SLC23A2: variants seen among roughly 807,000 people sequenced by gnomAD.
SLC23A2 encodes the protein Na(+)/L-ascorbic acid transporter 2.
SLC23A2 carries 36 observed loss-of-function variants against 73.3 expected under a neutral mutation model. The ratio of observed to expected loss-of-function variants is 0.49; its 90% CI spans 0.38 to 0.65. SLC23A2 has a LOEUF of 0.65. Ranked by LOEUF, SLC23A2 falls within the 30% of genes least tolerant of loss-of-function variation. The pLI is 0.00. For missense variants in SLC23A2, 507 were observed against 841.6 expected (o/e 0.60, Z 4.92); for synonymous variants, 343 against 327.3 (o/e 1.05, Z -0.52).
At chr20:4,903,853 G>C (rs1366614680) in intron 4 of SLC23A2, among the ~76,000 whole-genome samples, 1 of 152,214 alleles carries the variant, frequency 6.6e-6, no homozygotes, top group Non-Finnish European at 1.5e-5. Flanking sequence ...GTACGTATGT[G>C]TCTGAGGGGT....
At chr20:4,887,892 C>T (rs1255313266) in intron 6 of SLC23A2, among the ~76,000 whole-genome samples, 1 of 152,192 alleles carries the variant, frequency 6.6e-6, no homozygotes, top group Non-Finnish European at 1.5e-5. Flanking sequence ...CATATGCACA[C>T]GTTAAACGAG....
At position 4,989,541 on chromosome 20, in the gene SLC23A2, C is replaced by T. The variant is rs116818946; in HGVS notation, c.-282+11865G>A. On this transcript the variant is annotated intron_variant, in intron 1 of 16. Coordinates refer to ENST00000338244, the MANE Select transcript of SLC23A2 (RefSeq NM_005116.6). ...TTTTGTGTATAATGGCCAGGTGCAA[C>T]GGCTCACACCTGTAATCCTGGCACT... Among the ~76,000 whole-genome samples the T allele has an allele frequency of 4.0e-3, 608 of 151,894 alleles. 6 individuals are homozygous for T. The highest frequency in any genetic ancestry group is 0.013 in the African/African-American group (556 of 41,396).
intron 1 of SLC23A2, among the ~76,000 whole-genome samples, chr20:5,007,597 A>G (rs1712472638): frequency 6.6e-6 from 1 of 152,184 alleles, no homozygotes; most frequent in Admixed American, 6.6e-5. Context: ...CAGTATGTTC[A>G]CAAAGCTGTA....
chr20:4,933,137 T>C (rs1024773488), intron 2 of SLC23A2, among the ~76,000 whole-genome samples: 3 of 152,210 alleles, frequency 2.0e-5, no homozygotes, highest in African/African-American at 4.8e-5. Context: ...AATGAGTAAC[T>C]GAATTTTAAT....
chr20:4,969,824 T>G (rs2087534872), intron 2 of SLC23A2, among the ~76,000 whole-genome samples: 1 of 152,112 alleles, frequency 6.6e-6, no homozygotes, highest in Non-Finnish European at 1.5e-5. Context: ...TACCTATACA[T>G]GTATCAAATT....
intron 6 of SLC23A2, among the ~76,000 whole-genome samples, chr20:4,897,208 C>T (rs1399903969): frequency 6.6e-6 from 1 of 152,152 alleles, no homozygotes; most frequent in Non-Finnish European, 1.5e-5. Context: ...GAACGGGCAC[C>T]ACCCACACCC....
At chr20:4,991,622 C>T (rs550050708) in intron 1 of SLC23A2, among the ~76,000 whole-genome samples, 6 of 150,882 alleles carry the variant, frequency 4.0e-5, no homozygotes, top group African/African-American at 1.5e-4. Flanking sequence ...CTCAGGAGGC[C>T]GAGGCAGGAG....
At chr20:4,966,932 A>G (rs1478372499) in intron 2 of SLC23A2, among the ~76,000 whole-genome samples, 1 of 124,668 alleles carries the variant, frequency 8.0e-6, no homozygotes, top group Non-Finnish European at 1.8e-5. Context: ...GGCAGATTAC[A>G]TGATGGGGAG....
chr20:4,908,884 A>T (rs1213384275), intron 4 of SLC23A2, among the ~76,000 whole-genome samples: 1 of 152,264 alleles, frequency 6.6e-6, no homozygotes, highest in Non-Finnish European at 1.5e-5. Context: ...CAGTGAGCTG[A>T]GATTGTGCCA....
intron 5 of SLC23A2, among the ~76,000 whole-genome samples, chr20:4,901,223 T>A (rs979219671): frequency 6.6e-6 from 1 of 152,088 alleles, no homozygotes; most frequent in Non-Finnish European, 1.5e-5. Flanking sequence ...TACCATGGGC[T>A]GTGATACCTG....
At chr20:4,912,822 A>G in intron 4 of SLC23A2, 58 bp downstream of exon 4, 1 of 1,082,672 alleles carries the variant, frequency 9.2e-7, no homozygotes, top group Non-Finnish European at 1.4e-6. Context: ...GATCCGGGGC[A>G]GCACTTGTGG....
intron 2 of SLC23A2, among the ~76,000 whole-genome samples, chr20:4,940,648 C>G (rs1178270951): frequency 6.6e-6 from 1 of 152,156 alleles, no homozygotes; most frequent in Non-Finnish European, 1.5e-5. Flanking sequence ...GATGTTTACC[C>G]TGTTATATAT....
intron 9 of SLC23A2, among the ~76,000 whole-genome samples, chr20:4,877,250 T>C (rs1930696782): frequency 6.6e-6 from 1 of 152,158 alleles, no homozygotes; most frequent in African/African-American, 2.4e-5. Context: ...AAAAACTGTA[T>C]CATCATTGCT....
At chr20:4,880,354 G>A (rs1200552491) in intron 9 of SLC23A2, among the ~76,000 whole-genome samples, 1 of 152,100 alleles carries the variant, frequency 6.6e-6, no homozygotes, top group South Asian at 2.1e-4. Context: ...TGGGTTTACC[G>A]GGCTTCCTGA....
At chr20:4,922,673 C>A (rs149429313) in intron 3 of SLC23A2, among the ~76,000 whole-genome samples, 1 of 151,954 alleles carries the variant, frequency 6.6e-6, no homozygotes, top group Non-Finnish European at 1.5e-5. Flanking sequence ...CCAAAAAATA[C>A]GAAAATTAGC....
chr20:4,983,982 G>A (rs931855298), intron 1 of SLC23A2, among the ~76,000 whole-genome samples: 4 of 151,354 alleles, frequency 2.6e-5, no homozygotes, highest in African/African-American at 9.7e-5. Flanking sequence ...GACACAGCAA[G>A]AAAGTGAAAA....
At chr20:4,869,341 A>C (rs1402386242) in intron 12 of SLC23A2, among the ~76,000 whole-genome samples, 1 of 151,754 alleles carries the variant, frequency 6.6e-6, no homozygotes, top group Non-Finnish European at 1.5e-5. Context: ...AACAAAAAAA[A>C]AACAAAAAAA....
rs147104283 is a variant in SLC23A2, at chr20:4,899,068, C to A, written c.482+487G>T. 1.1e-4 allele frequency among the ~76,000 whole-genome samples: 17 copies of A among 152,188 alleles called. No individual in the cohort carries two copies. Among genetic ancestry groups the A allele is most frequent in the Non-Finnish European group, 2.2e-4 (15 of 67,994 alleles). On this transcript the variant is annotated intron_variant, in intron 6 of 16. Transcript: ENST00000338244. The surrounding 1 kb of genome is among the most constrained non-coding windows in gnomAD (Gnocchi z 4.9). ...AAGTGGGGCAGAGAGCAAGGGCAAG[C>A]CTAAATGCTGGGTGCAGCCTGGTGT... is the stretch of plus-strand genomic sequence containing the variant.
Position 4,857,086 on chromosome 20 carries a change from G to A in SLC23A2, c.1839C>T (p.Tyr613=). 6.2e-7 allele frequency: 1 copy of A among 1,613,908 alleles called. No individual in the cohort carries two copies. Among genetic ancestry groups the A allele is most frequent in the Non-Finnish European group, 8.5e-7 (1 of 1,179,786 alleles). ...LPFGMNIIKK[Y]RCFSYLPISP... is the part of the protein sequence containing the mutation. ...TGATGGGTAAGTAGCTGAAGCATCT[G>A]TATTTTTTTATAATGTTCATGCCAA... Residue 613 remains tyrosine, a synonymous_variant, in exon 17 of 17, where the codon TAC becomes TAT. Transcript: ENST00000338244. This position sits in a 1 kb window ranked among gnomAD's most constrained non-coding sequence, Gnocchi z 4.0.
Sources: allele counts gnomAD v4.1 joint callset (sites outside exome capture counted in the v4.1 genomes callset), GRCh38; gene constraint gnomAD v4.1.1; non-coding constraint Gnocchi (gnomAD v3.1); transcripts MANE v1.5; gene names NCBI Gene and HGNC (gene_info 2026-07-23, HGNC 2026-07-21).